Variants in SELP observed in about 807,000 individuals in gnomAD.
The protein encoded by SELP is selectin P.
In SELP, 92 loss-of-function variants were observed where a neutral mutation model predicts 104.1. The observed-to-expected ratio is 0.88, with a 90% CI of 0.75 to 1.05. The LOEUF (loss-of-function observed/expected upper bound fraction) is 1.05. SELP is among the 50% of genes least tolerant of loss of function. The probability of loss-of-function intolerance (pLI) is 0.00; values close to 1 mark genes in which losing one functional copy is unlikely to be tolerated. For synonymous variants in SELP, 397 were observed against 364.5 expected (o/e 1.09, Z -1.01); for missense variants, 1,022 against 1,017.3 (o/e 1.00, Z -0.06).
At chr1:169,622,631 TTTAA>T (rs1663191995) in intron 1 of SELP, among the ~76,000 whole-genome samples, 1 of 152,210 alleles carries the variant, frequency 6.6e-6, no homozygotes, top group Non-Finnish European at 1.5e-5. Flanking sequence ...ATTTACTTTA[TTTAA>T]TTGTGTACTG....
At chr1:169,608,524 T>C (rs1662319652) in intron 8 of SELP, among the ~76,000 whole-genome samples, 1 of 152,228 alleles carries the variant, frequency 6.6e-6, no homozygotes, top group Admixed American at 6.5e-5. Flanking sequence ...TTCATGTTTG[T>C]AGCAGAGGTC....
chr1:169,622,213 G>A lies in SELP; in HGVS notation c.4-2994C>T, dbSNP rs567063032. 2.6e-5 allele frequency among the ~76,000 whole-genome samples: 4 copies of A among 152,318 alleles called. No individual in the cohort carries two copies. The South Asian group carries it at 6.2e-4, about 24-fold the overall frequency. ...TATTAAGAATTTGAATATTGTAAAT[G>A]ATATTGCAGCAAATCCGTTTTCAAG... On this transcript the variant is annotated intron_variant, in intron 1 of 16. Coordinates refer to ENST00000263686, the MANE Select transcript of SELP (RefSeq NM_003005.4).
rs1374466688 is a variant in SELP at position 169,589,338 on chromosome 1, AT to A, written c.*124del. 6.6e-6 allele frequency: 1 copy of A among 152,218 alleles called. No homozygotes were observed. Among genetic ancestry groups the A allele is most frequent in the African/African-American group, 2.4e-5 (1 of 41,434 alleles). The allele number at this position is 152,218 out of a possible 1,614,324, so 9.4% of individuals were successfully genotyped here. On this transcript the variant is annotated 3_prime_UTR_variant, in exon 17 of 17. Coordinates refer to ENST00000263686, the MANE Select transcript of SELP (RefSeq NM_003005.4). ...GACAGGAAGGGGTGGTAGGTTGAGA[AT>A]TTGAGATTGTACCACAATCCCAAAC...
intron 14 of SELP, among the ~76,000 whole-genome samples, chr1:169,592,511 G>A (rs1661400409): frequency 6.6e-6 from 1 of 152,132 alleles, no homozygotes; most frequent in South Asian, 2.1e-4. Context: ...TATGAGGAGT[G>A]ATGAAGAAGA....
intron 1 of SELP, among the ~76,000 whole-genome samples, chr1:169,626,282 C>T (rs1328382247): frequency 2.0e-5 from 3 of 152,126 alleles, no homozygotes; most frequent in Non-Finnish European, 4.4e-5. Flanking sequence ...ATTCTAAGTG[C>T]AATGATAAGC....
chr1:169,611,133 C>A (rs1355794032), intron 7 of SELP, among the ~76,000 whole-genome samples: 1 of 152,150 alleles, frequency 6.6e-6, no homozygotes, highest in African/African-American at 2.4e-5. Flanking sequence ...TCAAAGGCTA[C>A]CCTCAAAGAC....
intron 1 of SELP, among the ~76,000 whole-genome samples, chr1:169,620,947 T>TTGTGTGTG (rs1326035313): frequency 4.2e-5 from 3 of 71,412 alleles, no homozygotes; most frequent in African/African-American, 1.3e-4. Flanking sequence ...CAGTGTGGGG[T>TTGTGTGTG]TCTGTGTGTG....
rs1357700790 is a variant in SELP at position 169,609,809 on chromosome 1, A to C, written c.1148-120T>G. 7.6e-6 allele frequency: 7 copies of C among 920,946 alleles called. No individual in the cohort carries two copies. The East Asian group carries it at 1.1e-4, about 15-fold the overall frequency. The allele number at this position is 920,946 out of a possible 1,614,324, so 57.0% of individuals were successfully genotyped here. ...TTTTCAGTGTGTTCAGAACCCTAAA[A>C]CCTCCATTTTCCAAAAGAGAGACTG... On this transcript the variant is annotated intron_variant, in intron 7 of 16. Coordinates refer to ENST00000263686, the MANE Select transcript of SELP (RefSeq NM_003005.4).
intron 12 of SELP, among the ~76,000 whole-genome samples, chr1:169,595,269 A>G (rs553340974): frequency 6.6e-6 from 1 of 152,356 alleles, no homozygotes; most frequent in Admixed American, 6.5e-5. Flanking sequence ...ATAAGTGTTC[A>G]GCATATCTGG....
At chr1:169,613,530 C>T in intron 4 of SELP, 56 bp downstream of exon 4, 1 of 1,320,154 alleles carries the variant, frequency 7.6e-7, no homozygotes. Flanking sequence ...TTATTTACTT[C>T]TTGGCATCAT....
rs762580106 is a variant in SELP at position 169,595,508 on chromosome 1, C to T, written c.2101+417G>A. 3.3e-5 allele frequency among the ~76,000 whole-genome samples: 5 copies of T among 152,170 alleles called. No individual in the cohort carries two copies. The South Asian group carries it at 6.2e-4, about 19-fold the overall frequency. The stretch of plus-strand genomic sequence containing the variant: ...AGGTCTCAATGCTTTATGTGTAGGG[C>T]GATAGCTCTTCAGGAAATATCATGT... On this transcript the variant is annotated intron_variant, in intron 12 of 16. Coordinates refer to ENST00000263686, the MANE Select transcript of SELP (RefSeq NM_003005.4).
chr1:169,599,641 G>A (rs963921467), intron 10 of SELP, among the ~76,000 whole-genome samples: 2 of 151,988 alleles, frequency 1.3e-5, no homozygotes, highest in East Asian at 3.8e-4. Context: ...TAATTTTCTG[G>A]AAAGAAGATA....
chr1:169,610,018 C>G (rs939496444), intron 7 of SELP, among the ~76,000 whole-genome samples: 1 of 152,182 alleles, frequency 6.6e-6, no homozygotes, highest in South Asian at 2.1e-4. Flanking sequence ...TCATTCTTCC[C>G]CATTATACCG....
chr1:169,601,013 A>G (rs1661883469), intron 10 of SELP, among the ~76,000 whole-genome samples: 1 of 152,242 alleles, frequency 6.6e-6, no homozygotes, highest in Admixed American at 6.5e-5. Flanking sequence ...AAGGGAAGCA[A>G]GGGCTTTAGA....
intron 7 of SELP, among the ~76,000 whole-genome samples, chr1:169,610,514 C>T (rs1012105769): frequency 4.6e-5 from 7 of 152,054 alleles, no homozygotes; most frequent in African/African-American, 1.5e-4. Flanking sequence ...ACCAAAAATC[C>T]GGCTGAGCAC....
chr1:169,609,984 T>C (rs549688794), intron 7 of SELP, among the ~76,000 whole-genome samples: 100 of 152,196 alleles, frequency 6.6e-4, no homozygotes, highest in Admixed American at 2.1e-3. Context: ...CAGCCTCTGT[T>C]CTTGCGCTGT....
intron 8 of SELP, 64 bp downstream of exon 8, chr1:169,609,440 G>C: frequency 6.8e-7 from 1 of 1,475,102 alleles, no homozygotes; most frequent in Non-Finnish European, 9.3e-7. Context: ...CCAATGCTCA[G>C]TGCAGATGCT....
chr1:169,600,470 T>A (rs1032174084), intron 10 of SELP, among the ~76,000 whole-genome samples: 1 of 152,138 alleles, frequency 6.6e-6, no homozygotes, highest in Non-Finnish European at 1.5e-5. Context: ...CTGGAACCAA[T>A]TCCCCCTGCA....
chr1:169,603,046 T>G lies in SELP; in HGVS notation c.1685A>C (p.Asp562Ala). Residue 562 changes from aspartate (D) to alanine (A), a missense_variant, in exon 10 of 17, where the codon GAC becomes GCC. Transcript: ENST00000263686. The part of the protein sequence containing the change: ...LDCTRSGRWT[D>A]SPPMCEAIKC... ...CCTACCTTCACACATTGGTGGGGAG[T>G]CTGTCCAGCGTCCCGATCGAGTACA... 1 of 1,611,666 alleles carries G rather than the reference T, an allele frequency of 6.2e-7. No homozygotes were observed. Among genetic ancestry groups the G allele is most frequent in the Non-Finnish European group, 8.5e-7 (1 of 1,178,656 alleles).
Sources: gnomAD v4.1 joint callset for allele counts (sites outside exome capture counted in the v4.1 genomes callset) on GRCh38, gnomAD v4.1.1 for gene constraint, MANE v1.5 for transcripts, NCBI Gene and HGNC (gene_info 2026-07-23, HGNC 2026-07-21) for gene names.